The following CDC25C variants were observed in gnomAD, a reference collection of about 807,000 sequenced individuals.
CDC25C encodes cell division cycle 25C, also known as M-phase inducer phosphatase 3.
CDC25C carries 48 observed loss-of-function variants against 52.5 expected under a neutral mutation model. The ratio of observed to expected loss-of-function variants is 0.91; its 90% CI spans 0.72 to 1.16. The LOEUF is 1.16. CDC25C is among the 50% of genes most tolerant of loss of function. The pLI, the probability that CDC25C is intolerant of heterozygous loss-of-function variation, is 0.00. For missense variants in CDC25C, 510 were observed against 566.1 expected (o/e 0.90, Z 1.01); for synonymous variants, 187 against 206.5 (o/e 0.91, Z 0.81).
chr5:138,335,859 A>G (rs1760664011), upstream of CDC25C, among the ~76,000 whole-genome samples: 1 of 151,324 alleles, frequency 6.6e-6, no homozygotes, highest in Admixed American at 6.6e-5. Flanking sequence ...TTTTAACTCA[A>G]CCATTTAATT....
intron 1 of CDC25C, chr5:138,336,953 C>G (rs1452063922): frequency 6.6e-6 from 1 of 152,188 alleles, no homozygotes; most frequent in Non-Finnish European, 1.5e-5. Flanking sequence ...TACTTTCCAG[C>G]TGATCACAGC....
intron 7 of CDC25C, among the ~76,000 whole-genome samples, chr5:138,302,766 T>TA (rs1379292629): frequency 1.3e-5 from 2 of 150,292 alleles, no homozygotes; most frequent in Non-Finnish European, 3.0e-5. Context: ...TCTCAATAGA[T>TA]ACAGAGAAAA....
rs367857039 is a variant in CDC25C at position 138,286,650 on chromosome 5, G to T, written c.1027-20C>A. 225 of 1,602,806 alleles carry T rather than the reference G, an allele frequency of 1.4e-4. No homozygotes were observed. The highest frequency in any genetic ancestry group is 3.3e-4 in the Middle Eastern group (2 of 6,018). ...GGCTCCCTGTAGAAGAAGAATTTTA[G>T]TAAGTATTTCCTCAGGGGCTTATAG... On this transcript the variant is annotated intron_variant, in intron 11 of 13. Transcript: ENST00000323760.
At chr5:138,330,124 G>T (rs1162691092) in intron 2 of CDC25C, among the ~76,000 whole-genome samples, 1 of 152,012 alleles carries the variant, frequency 6.6e-6, no homozygotes, top group East Asian at 1.9e-4. Flanking sequence ...ATATCAGACT[G>T]GGCTGAGAAA....
chr5:138,335,136 G>A (rs928844991), upstream of CDC25C: 4 of 152,258 alleles, frequency 2.6e-5, no homozygotes, highest in African/African-American at 9.6e-5. Context: ...ACAAGAACAG[G>A]AGGTACAGCC....
chr5:138,312,168 C>A (rs1348461790), intron 7 of CDC25C, among the ~76,000 whole-genome samples: 1 of 152,100 alleles, frequency 6.6e-6, no homozygotes, highest in African/African-American at 2.4e-5. Flanking sequence ...CACAGAATAA[C>A]CATATGACCC....
chr5:138,319,877 G>A (rs1307478612), intron 6 of CDC25C, among the ~76,000 whole-genome samples: 1 of 152,190 alleles, frequency 6.6e-6, no homozygotes, highest in Non-Finnish European at 1.5e-5. Context: ...AATAACAAGT[G>A]TTTGTGCATT....
At chr5:138,296,907 T>TC (rs1491162732) in intron 7 of CDC25C, among the ~76,000 whole-genome samples, 1 of 67,602 alleles carries the variant, frequency 1.5e-5, no homozygotes, top group East Asian at 2.5e-4. Context: ...GCCCGGCCAC[T>TC]TTTTTTTTTT....
At chr5:138,318,970 C>T (rs897373041) in intron 7 of CDC25C, among the ~76,000 whole-genome samples, 2 of 152,190 alleles carry the variant, frequency 1.3e-5, no homozygotes, top group African/African-American at 2.4e-5. Context: ...CTCAAGGCTG[C>T]AACCAACTGG....
At chr5:138,316,374 A>C (rs1162649146) in intron 7 of CDC25C, among the ~76,000 whole-genome samples, 2 of 152,168 alleles carry the variant, frequency 1.3e-5, no homozygotes, top group East Asian at 3.9e-4. Context: ...ACGGAGAAGC[A>C]AAAGAGGGGA....
chr5:138,293,274 A>C (rs774165630), intron 7 of CDC25C, among the ~76,000 whole-genome samples: 33 of 152,172 alleles, frequency 2.2e-4, no homozygotes, highest in Non-Finnish European at 4.1e-4. Context: ...GTCTAGAATA[A>C]GCAAAAATAA....
chr5:138,324,083 C>A (rs961822489), intron 6 of CDC25C, among the ~76,000 whole-genome samples: 3 of 151,680 alleles, frequency 2.0e-5, no homozygotes, highest in African/African-American at 4.8e-5. Flanking sequence ...CCAGCCTGGG[C>A]AAGATGGTGA....
At chr5:138,323,485 G>A (rs1404004450) in intron 6 of CDC25C, among the ~76,000 whole-genome samples, 1 of 151,650 alleles carries the variant, frequency 6.6e-6, no homozygotes, top group African/African-American at 2.4e-5. Flanking sequence ...TTGGTTGGGG[G>A]GTGGGGTAGA....
At chr5:138,297,652 C>T (rs560469425) in intron 7 of CDC25C, among the ~76,000 whole-genome samples, 2 of 152,268 alleles carry the variant, frequency 1.3e-5, no homozygotes, top group South Asian at 4.1e-4. Flanking sequence ...TCAGAACTTC[C>T]AAATTCACAT....
At chr5:138,293,132 C>G (rs183738823) in intron 7 of CDC25C, among the ~76,000 whole-genome samples, 15 of 152,240 alleles carry the variant, frequency 9.9e-5, no homozygotes, top group Non-Finnish European at 2.9e-5. Flanking sequence ...GTTCGTGATA[C>G]CAGCTGATGG....
chr5:138,293,165 C>G (rs1373109517), intron 7 of CDC25C, among the ~76,000 whole-genome samples: 1 of 152,186 alleles, frequency 6.6e-6, no homozygotes, highest in East Asian at 1.9e-4. Flanking sequence ...TATACGTACC[C>G]TTAGACTCCT....
upstream of CDC25C, among the ~76,000 whole-genome samples, chr5:138,332,385 C>G (rs1439771894): frequency 1.3e-5 from 2 of 152,068 alleles, no homozygotes; most frequent in African/African-American, 4.8e-5. Flanking sequence ...TTAGCCCCTT[C>G]CAAGAGCTTT....
intron 10 of CDC25C, among the ~76,000 whole-genome samples, chr5:138,288,236 C>T (rs186963882): frequency 6.6e-6 from 1 of 152,184 alleles, no homozygotes; most frequent in African/African-American, 2.4e-5. Context: ...CTACCACACC[C>T]AGCTAATTTT....
chr5:138,334,259 G>C (rs2126864680), upstream of CDC25C, among the ~76,000 whole-genome samples: 1 of 151,832 alleles, frequency 6.6e-6, no homozygotes, highest in African/African-American at 2.4e-5. Flanking sequence ...TACAGATGCA[G>C]TGGTGCGCCT....
Sources: allele counts gnomAD v4.1 joint callset (sites outside exome capture counted in the v4.1 genomes callset), GRCh38; gene constraint gnomAD v4.1.1; transcripts MANE v1.5; gene names NCBI Gene and HGNC (gene_info 2026-07-23, HGNC 2026-07-21).